The following CHIC1 variants were observed in gnomAD, a reference collection of about 807,000 sequenced individuals.
CHIC1 encodes cysteine rich hydrophobic domain 1, also known as cysteine-rich hydrophobic domain-containing protein 1.
In CHIC1, 7 loss-of-function variants were observed where a neutral mutation model predicts 18.5. The observed-to-expected ratio is 0.38, with a 90% CI of 0.22 to 0.71. The LOEUF (loss-of-function observed/expected upper bound fraction) is 0.71, where lower values mean the gene tolerates loss of function less well. Among genes scored for constraint, CHIC1 ranks in the 30% least tolerant of loss-of-function variants. The pLI is 0.49. For missense variants in CHIC1, 159 were observed against 176.9 expected (o/e 0.90, Z 0.57); for synonymous variants, 77 against 73.5 (o/e 1.05, Z -0.25).
At chrX:73,604,104 G>A (rs1049921378) in intron 3 of CHIC1, among the ~76,000 whole-genome samples, 7 of 106,807 alleles carry the variant, frequency 6.6e-5, no homozygotes, top group Non-Finnish European at 1.1e-4. Flanking sequence ...TGTACCTCTG[G>A]TAGAATTCAG....
intron 3 of CHIC1, among the ~76,000 whole-genome samples, chrX:73,619,581 C>T (rs2057749803): frequency 9.0e-6 from 1 of 110,687 alleles, no homozygotes; most frequent in Non-Finnish European, 1.9e-5. Context: ...TTTGAGGTTA[C>T]CATAAGGCTT....
chrX:73,608,580 G>A (rs1204610747), intron 3 of CHIC1, among the ~76,000 whole-genome samples: 1 of 108,010 alleles, frequency 9.3e-6, no homozygotes, highest in African/African-American at 3.6e-5. Context: ...GCAGTATTTT[G>A]TGGTTTTCTA....
Position 73,563,363 on chromosome X carries a change from ACGTCGTCGTCGTCGC to A in CHIC1, c.94_108del (p.Pro32_Ser36del), listed in dbSNP as rs1055194208. On this transcript the variant is annotated inframe_deletion, in exon 1 of 6. Coordinates refer to ENST00000373502, the MANE Select transcript of CHIC1 (RefSeq NM_001039840.4). ...GGAGGAGGAGGAAGAAGAAGCGGCA[ACGTCGTCGTCGTCGC>A]CGTCGTCGTCGTCGTCGGTATCTGG... 13 of 1,151,810 alleles carry A rather than the reference ACGTCGTCGTCGTCGC, an allele frequency of 1.1e-5. No homozygotes were observed. Among genetic ancestry groups the A allele is most frequent in the East Asian group, 1.0e-4 (3 of 29,971 alleles). The allele number at this position is 1,151,810 out of a possible 1,213,427, so 94.9% of individuals were successfully genotyped here. A position where few individuals can be genotyped will look rare whatever the true frequency, so the allele number is the denominator to read the frequency against.
At chrX:73,605,070 C>T (rs1236306989) in intron 3 of CHIC1, among the ~76,000 whole-genome samples, 3 of 107,779 alleles carry the variant, frequency 2.8e-5, no homozygotes, top group African/African-American at 7.2e-5. Context: ...TTTTCTGTCT[C>T]GTTGATTTGT....
rs2058121195 is a variant in CHIC1 at position 73,686,323 on chromosome X, T to C, written c.*5318T>C. Reference sequence around the variant, plus strand: ...TATATTAGGCTATATAACTTCAGGTTAGAATTTGCCTTCAGTTTTTTTTCT... The same window carrying C: ...TATATTAGGCTATATAACTTCAGGTCAGAATTTGCCTTCAGTTTTTTTTCT... On this transcript the variant is annotated 3_prime_UTR_variant, in exon 6 of 6. Transcript: ENST00000373502. The C allele has an allele frequency of 9.0e-6, 1 of 111,502 alleles. No individual in the cohort carries two copies. Among genetic ancestry groups the C allele is most frequent in the Non-Finnish European group, 1.9e-5 (1 of 52,897 alleles). 9.2% of individuals were successfully genotyped at this position (111,502 alleles called of 1,213,427 possible).
At chrX:73,674,852 G>A (rs1367545174) in intron 3 of CHIC1, among the ~76,000 whole-genome samples, 1 of 111,359 alleles carries the variant, frequency 9.0e-6, no homozygotes, top group Non-Finnish European at 1.9e-5. Context: ...GATCTTTCCT[G>A]CTTTCTCTTG....
chrX:73,572,714 A>G (rs2057476995), intron 1 of CHIC1, among the ~76,000 whole-genome samples: 1 of 111,095 alleles, frequency 9.0e-6, no homozygotes, highest in Admixed American at 9.6e-5. Flanking sequence ...GATGATGAGC[A>G]TTTTTTCATA....
At position 73,609,917 on chromosome X, in the gene CHIC1, G is replaced by A. The variant is rs930081681; in HGVS notation, c.507+25345G>A. Among the ~76,000 whole-genome samples the A allele has an allele frequency of 1.9e-4, 21 of 108,176 alleles. 1 individual carries two copies. The highest frequency in any genetic ancestry group is 3.4e-4 in the Non-Finnish European group (18 of 52,991). The allele number at this position is 108,176 out of a possible 115,157, so 93.9% of individuals were successfully genotyped here. ...CTTATTCCTTTTAACTACATGTCTC[G>A]CTGGCATTCCAGGTGCCACTGGGTA... On this transcript the variant is annotated intron_variant, in intron 3 of 5. Transcript: ENST00000373502.
intron 3 of CHIC1, among the ~76,000 whole-genome samples, chrX:73,679,076 A>G (rs2058085238): frequency 1.8e-5 from 2 of 112,076 alleles, no homozygotes; most frequent in South Asian, 7.4e-4. Flanking sequence ...ATTCATACAT[A>G]TTTCATTTTA....
At chrX:73,650,701 CAAAAA>C (rs139432536) in intron 3 of CHIC1, among the ~76,000 whole-genome samples, 1 of 64,817 alleles carries the variant, frequency 1.5e-5, no homozygotes, top group Non-Finnish European at 3.0e-5. Context: ...GCCTACCAAC[CAAAAA>C]AAAAAAAAAA....
chrX:73,577,843 T>C (rs1415078030), intron 2 of CHIC1, among the ~76,000 whole-genome samples: 2 of 110,399 alleles, frequency 1.8e-5, no homozygotes, highest in Non-Finnish European at 3.8e-5. Context: ...TGATTTGTTA[T>C]ACATGAAAAT....
chrX:73,601,011 T>C (rs1217418776), intron 3 of CHIC1, among the ~76,000 whole-genome samples: 1 of 107,898 alleles, frequency 9.3e-6, no homozygotes, highest in African/African-American at 3.6e-5. Context: ...AAGAGCTAAC[T>C]ATCCTAAATA....
intron 3 of CHIC1, among the ~76,000 whole-genome samples, chrX:73,640,810 G>T (rs1220516978): frequency 9.0e-6 from 1 of 111,045 alleles, no homozygotes; most frequent in Non-Finnish European, 1.9e-5. Context: ...TGGATTTGTT[G>T]ATCTTTTGTA....
At chrX:73,648,047 T>C (rs748038621) in intron 3 of CHIC1, among the ~76,000 whole-genome samples, 2 of 111,031 alleles carry the variant, frequency 1.8e-5, no homozygotes, top group Non-Finnish European at 3.8e-5. Flanking sequence ...AGCCTCCAGG[T>C]GTGGAAGAGA....
At chrX:73,568,408 A>G (rs1165438502) in intron 1 of CHIC1, among the ~76,000 whole-genome samples, 1 of 111,633 alleles carries the variant, frequency 9.0e-6, no homozygotes, top group East Asian at 2.8e-4. Context: ...ATATTAGGAG[A>G]TCTTTTTCCA....
At chrX:73,665,992 C>T (rs1296126611) in intron 3 of CHIC1, among the ~76,000 whole-genome samples, 1 of 111,839 alleles carries the variant, frequency 8.9e-6, no homozygotes, top group African/African-American at 3.3e-5. Flanking sequence ...TGATTAAAGG[C>T]CAGGTTCTGA....
chrX:73,681,073 T>A lies in CHIC1; in HGVS notation c.*68T>A. 1.6e-6 allele frequency: 1 copy of A among 615,002 alleles called. No homozygotes were observed. Among genetic ancestry groups the A allele is most frequent in the African/African-American group, 2.3e-5 (1 of 43,984 alleles). The allele number at this position is 615,002 out of a possible 1,213,427, so 50.7% of individuals were successfully genotyped here. On this transcript the variant is annotated 3_prime_UTR_variant, in exon 6 of 6. Coordinates refer to ENST00000373502, the MANE Select transcript of CHIC1 (RefSeq NM_001039840.4). Reference sequence around the variant, plus strand: ...CCCTTAGTGCCTTGTAGATTTGGAATGAAGATGGTCTCCTTTGCTGTGTTC... The same window carrying A: ...CCCTTAGTGCCTTGTAGATTTGGAAAGAAGATGGTCTCCTTTGCTGTGTTC...
chrX:73,573,426 C>CT (rs1307259806), intron 1 of CHIC1, among the ~76,000 whole-genome samples: 1 of 111,359 alleles, frequency 9.0e-6, no homozygotes, highest in African/African-American at 3.3e-5. Flanking sequence ...TATTTAGGTC[C>CT]TTTTTTGTTT....
intron 3 of CHIC1, among the ~76,000 whole-genome samples, chrX:73,655,611 AGT>A (rs1434380284): frequency 1.3e-5 from 1 of 75,301 alleles, no homozygotes; most frequent in African/African-American, 5.0e-5. Flanking sequence ...GTGTATATAT[AGT>A]GTGTGTATAT....
Sources: gnomAD v4.1 joint callset for allele counts (sites outside exome capture counted in the v4.1 genomes callset) on GRCh38, gnomAD v4.1.1 for gene constraint, MANE v1.5 for transcripts, NCBI Gene and HGNC (gene_info 2026-07-23, HGNC 2026-07-21) for gene names.